Variants in XAB2 observed in about 807,000 individuals in gnomAD.
The protein encoded by XAB2 is XPA binding protein 2.
A neutral mutation model predicts 113.4 loss-of-function variants in XAB2; 57 were observed. That is an observed-to-expected ratio of 0.50 (90% CI 0.41 to 0.63). The LOEUF (loss-of-function observed/expected upper bound fraction) is 0.63. Ranked by LOEUF, XAB2 falls within the 20% of genes least tolerant of loss-of-function variation. XAB2 has a pLI of 0.00. For synonymous variants in XAB2, 497 were observed against 498.8 expected (o/e 1.00, Z 0.05); for missense variants, 1,037 against 1,233.3 (o/e 0.84, Z 2.38).
In XAB2 at chr19:7,623,961, C is replaced by A. The variant is rs2031088782; in HGVS notation, c.968-79G>T. 2 of 1,449,556 alleles carry A rather than the reference C, an allele frequency of 1.4e-6. No individual in the cohort carries two copies. Among genetic ancestry groups the A allele is most frequent in the Non-Finnish European group, 1.8e-6 (2 of 1,093,836 alleles). 89.8% of individuals were successfully genotyped at this position (1,449,556 alleles called of 1,614,324 possible). ...GGATGCCACCGCCTCCACTCCCCAC[C>A]CTCACTCCGCTCCAGCCCCCAGCCA... is the stretch of plus-strand genomic sequence containing the variant. On this transcript the variant is annotated intron_variant, in intron 7 of 18. Transcript: ENST00000358368. The surrounding 1 kb of genome is among the most constrained non-coding windows in gnomAD (Gnocchi z 4.6).
At position 7,623,852 on chromosome 19, in the gene XAB2, C is replaced by T. The variant is rs1203513572; in HGVS notation, c.998G>A (p.Arg333His). Residue 333 changes from arginine (R) to histidine (H), a missense_variant, in exon 8 of 19, where the codon CGC becomes CAC. Arg to His is a conservative substitution (Grantham distance 29). Transcript: ENST00000358368. The surrounding 1 kb of genome is among the most constrained non-coding windows in gnomAD (Gnocchi z 4.6). Reference sequence around the variant, plus strand: ...CCGCCGGCTGATGAGCTGCTCGAAGCGGGCCAGGCGCAGCTCCAGGTCCAC... The same window carrying T: ...CCGCCGGCTGATGAGCTGCTCGAAGTGGGCCAGGCGCAGCTCCAGGTCCAC... ...DDVDLELRLA[R>H]FEQLISRRPL... The T allele has an allele frequency of 2.5e-6, 4 of 1,602,140 alleles. No individual in the cohort carries two copies. The highest frequency in any genetic ancestry group is 3.4e-6 in the Non-Finnish European group (4 of 1,176,230).
intron 12 of XAB2, 54 bp downstream of exon 12, chr19:7,622,277 C>T (rs2146184889): frequency 6.4e-7 from 1 of 1,566,960 alleles, no homozygotes; most frequent in Non-Finnish European, 8.8e-7. Flanking sequence ...GCTGAGGACC[C>T]CTGGGGAGGG....
Position 7,623,366 on chromosome 19 carries a change from G to C in XAB2, c.1120-77C>G. ...GGTCGGGGCAGAGCTGTGGCTCTGAGGGGTGGGGCCTGGAGGGTGCTGTGG... is the reference window on the plus strand; with the variant it reads ...GGTCGGGGCAGAGCTGTGGCTCTGACGGGTGGGGCCTGGAGGGTGCTGTGG... On this transcript the variant is annotated intron_variant, in intron 8 of 18. Transcript: ENST00000358368. This position sits in a 1 kb window ranked among gnomAD's most constrained non-coding sequence, Gnocchi z 4.6. The C allele has an allele frequency of 6.3e-7, 1 of 1,577,508 alleles. No homozygotes were observed. The highest frequency in any genetic ancestry group is 1.1e-5 in the South Asian group (1 of 89,664).
chr19:7,629,018 G>C (rs575308143), intron 1 of XAB2, among the ~76,000 whole-genome samples: 2 of 152,192 alleles, frequency 1.3e-5, no homozygotes, highest in South Asian at 2.1e-4. Flanking sequence ...ACATCACCAG[G>C]GTTCTTCTAG....
chr19:7,623,437 G>C lies in XAB2; in HGVS notation c.1120-148C>G. On this transcript the variant is annotated intron_variant, in intron 8 of 18. Transcript: ENST00000358368. This position sits in a 1 kb window ranked among gnomAD's most constrained non-coding sequence, Gnocchi z 4.6. ...AAACGAACTATGGCCCTTGACAATG[G>C]TCAGGACCAAGAGAGAGCTGTGGCC... 2 of 1,176,650 alleles carry C rather than the reference G, an allele frequency of 1.7e-6. No individual in the cohort carries two copies. Among genetic ancestry groups the C allele is most frequent in the Non-Finnish European group, 2.4e-6 (2 of 841,642 alleles). 72.9% of individuals were successfully genotyped at this position (1,176,650 alleles called of 1,614,324 possible). A position where few individuals can be genotyped will look rare whatever the true frequency, so the allele number is the denominator to read the frequency against.
In XAB2 at chr19:7,621,456, T is replaced by C. The variant is rs2031032519; in HGVS notation, c.1618-159A>G. 1.7e-5 allele frequency: 13 copies of C among 745,696 alleles called. No homozygotes were observed. The East Asian group carries it at 3.1e-4, about 18-fold the overall frequency. The allele number at this position is 745,696 out of a possible 1,614,324, so 46.2% of individuals were successfully genotyped here. ...GTCCCTAATGGCAGTTGTGGGGGTC[T>C]GTCCTCTGCACTGTCTCCCTCTGTG... On this transcript the variant is annotated intron_variant, in intron 12 of 18. Coordinates refer to ENST00000358368, the MANE Select transcript of XAB2 (RefSeq NM_020196.3).
chr19:7,620,524 C>A (rs769754079), intron 15 of XAB2, 23 bp downstream of exon 15: 2 of 1,612,978 alleles, frequency 1.2e-6, no homozygotes, highest in South Asian at 1.1e-5. Flanking sequence ...AACCCTGATA[C>A]CCGTCCCTCC....
In XAB2 at chr19:7,624,460, G is replaced by A. The variant is rs746871193; in HGVS notation, c.823-15C>T. 1.2e-6 allele frequency: 2 copies of A among 1,613,904 alleles called. No individual in the cohort carries two copies. The highest frequency in any genetic ancestry group is 1.7e-6 in the Non-Finnish European group (2 of 1,179,972). ...ACGTCCCGAGCCTGTGGGGACCCAG[G>A]GAAGGGGAGGTGAGAGGAAAGTGGC... On this transcript the variant is annotated splice_polypyrimidine_tract_variant and intron_variant, in intron 6 of 18. Transcript: ENST00000358368. This position sits in a 1 kb window ranked among gnomAD's most constrained non-coding sequence, Gnocchi z 4.2.
rs2031113730 is a variant in XAB2 at position 7,625,224 on chromosome 19, A to G, written c.822+656T>C. On this transcript the variant is annotated intron_variant, in intron 6 of 18. Coordinates refer to ENST00000358368, the MANE Select transcript of XAB2 (RefSeq NM_020196.3). This position sits in a 1 kb window ranked among gnomAD's most constrained non-coding sequence, Gnocchi z 5.2. ...GCTAACCCCTGAGGGAGTGGCCCTC[A>G]CACCACGTACCTCCTCAGTGCTGTG... is the stretch of plus-strand genomic sequence containing the variant. Among the ~76,000 whole-genome samples, 1 of 152,122 alleles carries G rather than the reference A, an allele frequency of 6.6e-6. No homozygotes were observed. Among genetic ancestry groups the G allele is most frequent in the African/African-American group, 2.4e-5 (1 of 41,422 alleles).
In XAB2 at chr19:7,622,520, G is replaced by A; in HGVS notation, c.1503+10C>T. 1.2e-6 allele frequency: 2 copies of A among 1,613,922 alleles called. No individual in the cohort carries two copies. The highest frequency in any genetic ancestry group is 1.6e-4 in the Middle Eastern group (1 of 6,062). ...GGGGCCCCGTCCCTCCCCAGCCACA[G>A]GCAGCTCACCTGGAAGGTGCCGAGG... On this transcript the variant is annotated intron_variant, in intron 11 of 18. Coordinates refer to ENST00000358368, the MANE Select transcript of XAB2 (RefSeq NM_020196.3).
chr19:7,625,581 C>T lies in XAB2; in HGVS notation c.822+299G>A, dbSNP rs1007357481. ...GCAACCTCCACCTCCCAAGTTCAAG[C>T]GATTCTCCTGCCTCAGCCTCCCGAG... On this transcript the variant is annotated intron_variant, in intron 6 of 18. Transcript: ENST00000358368. This position sits in a 1 kb window ranked among gnomAD's most constrained non-coding sequence, Gnocchi z 5.2. Among the ~76,000 whole-genome samples the T allele has an allele frequency of 6.6e-6, 1 of 150,636 alleles. No homozygotes were observed. Among genetic ancestry groups the T allele is most frequent in the Non-Finnish European group, 1.5e-5 (1 of 67,860 alleles).
At chr19:7,619,696 C>T (rs1483616592) in intron 18 of XAB2, 49 bp from the exon 19 acceptor site, 1 of 1,608,256 alleles carries the variant, frequency 6.2e-7, no homozygotes, top group Admixed American at 1.7e-5. Flanking sequence ...GGCCTGTCCC[C>T]CGAGGCCCAC....
intron 12 of XAB2, chr19:7,621,633 C>A: frequency 2.8e-6 from 1 of 362,478 alleles, no homozygotes; most frequent in Non-Finnish European, 5.1e-6. Flanking sequence ...GACAGAGGGG[C>A]AGGCAGTAGC....
Position 7,621,286 on chromosome 19 carries a change from G to T in XAB2, c.1629C>A (p.Arg543=), listed in dbSNP as rs752283214. ...YFEESFKAYE[R]GISLFKWPNV... ...TGGGCCACTTGAACAGCGAGATGCC[G>T]CGCTCGTACGCCTGTTACCAGAGGG... Residue 543 remains arginine, a synonymous_variant, in exon 13 of 19, where the codon CGC becomes CGA. Transcript: ENST00000358368. 2 of 1,612,836 alleles carry T rather than the reference G, an allele frequency of 1.2e-6. No homozygotes were observed. Among genetic ancestry groups the T allele is most frequent in the Non-Finnish European group, 1.7e-6 (2 of 1,179,924 alleles).
rs1157931145 is a variant in XAB2, at chr19:7,627,550, G to C, written c.325-110C>G. On this transcript the variant is annotated intron_variant, in intron 3 of 18. Transcript: ENST00000358368. The surrounding 1 kb of genome is among the most constrained non-coding windows in gnomAD (Gnocchi z 4.5). ...ACACCTGGGGCCACCACATAAATGCGGCGGGACCCAGAAACCCCCAGCTCC... is the reference window on the plus strand; with the variant it reads ...ACACCTGGGGCCACCACATAAATGCCGCGGGACCCAGAAACCCCCAGCTCC... 1 of 1,505,740 alleles carries C rather than the reference G, an allele frequency of 6.6e-7. No homozygotes were observed. The highest frequency in any genetic ancestry group is 9.0e-7 in the Non-Finnish European group (1 of 1,109,490). The allele number at this position is 1,505,740 out of a possible 1,614,324, so 93.3% of individuals were successfully genotyped here. A position where few individuals can be genotyped will look rare whatever the true frequency, so the allele number is the denominator to read the frequency against.
chr19:7,626,470 AC>A (rs2031143181), intron 4 of XAB2, among the ~76,000 whole-genome samples, 200 bp from the exon 5 acceptor site: 1 of 152,004 alleles, frequency 6.6e-6, no homozygotes, highest in Non-Finnish European at 1.5e-5. Context: ...GTTAGGCTCA[AC>A]CCCCTGTGGG....
chr19:7,626,063 T>A lies in XAB2; in HGVS notation c.658-19A>T, dbSNP rs371324130. ...GCCACAGCTGCAGGGCATGGGGCAG[T>A]GGGGGAGAGTCTCAGGCTCAGTCAT... On this transcript the variant is annotated intron_variant, in intron 5 of 18. Transcript: ENST00000358368. The A allele has an allele frequency of 4.0e-5, 65 of 1,608,056 alleles. No individual in the cohort carries two copies. The highest frequency in any genetic ancestry group is 5.4e-5 in the Non-Finnish European group (63 of 1,175,652).
rs774391158 is a variant in XAB2, at chr19:7,623,829, G to A, written c.1021C>T (p.Arg341Trp). 2.4e-5 allele frequency: 38 copies of A among 1,609,862 alleles called. No individual in the cohort carries two copies. The highest frequency in any genetic ancestry group is 3.4e-5 in the Admixed American group (2 of 59,646). ...LARFEQLISR[R>W]PLLLNSVLLR... Reference sequence around the variant, plus strand: ...AAGACGCTGTTGAGGAGCAGGGGCCGCCGGCTGATGAGCTGCTCGAAGCGG... The same window carrying A: ...AAGACGCTGTTGAGGAGCAGGGGCCACCGGCTGATGAGCTGCTCGAAGCGG... The change falls in exon 8 of 19, where the codon CGG becomes TGG. Residue 341 changes from arginine (R) to tryptophan (W), a missense_variant. By Grantham distance (101) the Arg-to-Trp change is moderately radical (BLOSUM62 -3). Coordinates refer to ENST00000358368, the MANE Select transcript of XAB2 (RefSeq NM_020196.3). The surrounding 1 kb of genome is among the most constrained non-coding windows in gnomAD (Gnocchi z 4.6).
Position 7,623,172 on chromosome 19 carries a change from C to G in XAB2, c.1237G>C (p.Asp413His). The change falls in exon 9 of 19, where the codon GAT becomes CAT. Residue 413 changes from aspartate (D) to histidine (H), a missense_variant and splice_region_variant. Physicochemically the swap from Asp to His is moderately conservative, Grantham distance 81. Coordinates refer to ENST00000358368, the MANE Select transcript of XAB2 (RefSeq NM_020196.3). This position sits in a 1 kb window ranked among gnomAD's most constrained non-coding sequence, Gnocchi z 4.6. Reference sequence around the variant, plus strand: ...GGCACACGCAACAGGGTGCTCACATCGTCCAGCTGTCCGTTGTCCTCATAA... The same window carrying G: ...GGCACACGCAACAGGGTGCTCACATGGTCCAGCTGTCCGTTGTCCTCATAA... The part of the protein sequence containing the change: ...KFYEDNGQLD[D>H]ARVILEKATK... 6.2e-7 allele frequency: 1 copy of G among 1,613,506 alleles called. No homozygotes were observed. Among genetic ancestry groups the G allele is most frequent in the Non-Finnish European group, 8.5e-7 (1 of 1,179,898 alleles).
Sources: allele counts gnomAD v4.1 joint callset (sites outside exome capture counted in the v4.1 genomes callset), GRCh38; gene constraint gnomAD v4.1.1; non-coding constraint Gnocchi (gnomAD v3.1); transcripts MANE v1.5; gene names NCBI Gene and HGNC (gene_info 2026-07-23, HGNC 2026-07-21).